The following SESN1 variants were observed in gnomAD, a reference collection of about 807,000 sequenced individuals.
SESN1 encodes sestrin 1.
A neutral mutation model predicts 59.3 loss-of-function variants in SESN1; 30 were observed. That is an observed-to-expected ratio of 0.51 (90% confidence interval 0.38 to 0.69). SESN1 has a LOEUF of 0.69. Ranked by LOEUF, SESN1 falls within the 30% of genes least tolerant of loss-of-function variation. The probability of loss-of-function intolerance (pLI) is 0.00; values close to 1 mark genes in which losing one functional copy is unlikely to be tolerated. For missense variants in SESN1, 566 were observed against 673.0 expected, an observed-to-expected ratio of 0.84 and a Z score of 1.76; for synonymous variants, 197 against 219.9, an observed-to-expected ratio of 0.90 and a Z score of 0.92.
intron 1 of SESN1, among the ~76,000 whole-genome samples, chr6:109,063,468 A>C (rs1780764512): frequency 6.6e-6 from 1 of 152,160 alleles, no homozygotes; most frequent in South Asian, 2.1e-4. Flanking sequence ...ATGATGTGGA[A>C]ATGTTCATGG....
At chr6:108,994,363 A>C (rs1048111768) in intron 6 of SESN1, 99 bp downstream of exon 6, 2 of 948,144 alleles carry the variant, frequency 2.1e-6, no homozygotes, top group African/African-American at 3.3e-5. Flanking sequence ...TCTAAAAGGA[A>C]GGACATATTT....
chr6:108,989,129 A>AG (rs1779286734), intron 8 of SESN1, among the ~76,000 whole-genome samples: 1 of 152,062 alleles, frequency 6.6e-6, no homozygotes, highest in Non-Finnish European at 1.5e-5. Context: ...CAGCCTCCCG[A>AG]GAAGCTAGGA....
intron 5 of SESN1, among the ~76,000 whole-genome samples, chr6:108,995,831 A>T (rs1779493397): frequency 6.7e-6 from 1 of 150,038 alleles, no homozygotes; most frequent in African/African-American, 2.4e-5. Flanking sequence ...GTATACATAC[A>T]AAATTAATGT....
At chr6:109,075,745 C>T (rs570799385) in intron 1 of SESN1, among the ~76,000 whole-genome samples, 1 of 152,284 alleles carries the variant, frequency 6.6e-6, no homozygotes, top group Non-Finnish European at 1.5e-5. Context: ...TAAGCAGATT[C>T]CTAATTCACA....
intron 9 of SESN1, 55 bp downstream of exon 9, chr6:108,988,488 G>T: frequency 1.3e-6 from 2 of 1,486,546 alleles, no homozygotes. Flanking sequence ...TTAGGTGAAG[G>T]AGACTACGAA....
At position 109,033,714 on chromosome 6, in the gene SESN1, T is replaced by C. The variant is rs144681072; in HGVS notation, c.280-31371A>G. The stretch of plus-strand genomic sequence containing the variant: ...GTTCTAAGAGCAAAATTTGATAATA[T>C]GAAAACTGCTAGAAACAGGCAAGTT... On this transcript the variant is annotated intron_variant, in intron 1 of 9. Transcript: ENST00000436639. Among the ~76,000 whole-genome samples, 491 of 152,294 alleles carry C rather than the reference T, an allele frequency of 3.2e-3. 7 individuals carry two copies. The highest frequency in any genetic ancestry group is 2.3e-3 in the Non-Finnish European group (155 of 68,030).
intron 1 of SESN1, among the ~76,000 whole-genome samples, chr6:109,088,752 T>C (rs189412809): frequency 1.2e-4 from 19 of 152,328 alleles, no homozygotes; most frequent in Admixed American, 1.0e-3. Flanking sequence ...AGTTCACCAG[T>C]AGACTATATT....
intron 1 of SESN1, among the ~76,000 whole-genome samples, chr6:109,004,859 T>C (rs566763744): frequency 2.0e-3 from 307 of 152,338 alleles, no homozygotes; most frequent in Non-Finnish European, 3.0e-3. Context: ...TCCAAAAAGA[T>C]TGCTTAAGAT....
intron 1 of SESN1, chr6:109,008,785 TA>T: frequency 1.0e-6 from 1 of 985,456 alleles, no homozygotes. Context: ...AGGGATGGCT[TA>T]ATACGCAAGA....
chr6:109,093,659 A>C (rs1781384998), intron 1 of SESN1, 136 bp downstream of exon 1: 1 of 861,570 alleles, frequency 1.2e-6, no homozygotes. Context: ...TTGTTTACTT[A>C]CAGAACACTC....
At chr6:109,067,458 G>A (rs981703578) in intron 1 of SESN1, among the ~76,000 whole-genome samples, 1 of 152,178 alleles carries the variant, frequency 6.6e-6, no homozygotes, top group African/African-American at 2.4e-5. Context: ...CGCTAAGTAA[G>A]ATAACTGTCC....
Position 109,038,947 on chromosome 6 carries a change from AAGAAGGG to A in SESN1, c.280-36611_280-36605del, listed in dbSNP as rs200971571. Among the ~76,000 whole-genome samples the A allele has an allele frequency of 4.0e-3, 601 of 151,000 alleles. 4 individuals are homozygous for A. The highest frequency in any genetic ancestry group is 0.013 in the African/African-American group (550 of 41,002). Reference sequence around the variant, plus strand: ...GGAGGAGAAGAAAAGAGAAGAAGAAAAGAAGGGAGAAGGGAGAAGAAGGAAAAGAAAA... The same window carrying A: ...GGAGGAGAAGAAAAGAGAAGAAGAAAAGAAGGGAGAAGAAGGAAAAGAAAA... On this transcript the variant is annotated intron_variant, in intron 1 of 9. Coordinates refer to ENST00000436639, the MANE Select transcript of SESN1 (RefSeq NM_014454.3).
chr6:108,992,637 G>C (rs759261610), intron 7 of SESN1, 150 bp downstream of exon 7: 61 of 648,972 alleles, frequency 9.4e-5, no homozygotes, highest in Non-Finnish European at 1.5e-4. Context: ...GGATGAATTA[G>C]AAACAGTCTT....
At chr6:109,036,794 T>C (rs1477696748) in intron 1 of SESN1, among the ~76,000 whole-genome samples, 1 of 152,214 alleles carries the variant, frequency 6.6e-6, no homozygotes, top group Non-Finnish European at 1.5e-5. Context: ...TCCCCATTAG[T>C]AGAGTATCAT....
intron 1 of SESN1, among the ~76,000 whole-genome samples, chr6:109,061,275 G>A (rs917734813): frequency 6.6e-6 from 1 of 151,754 alleles, no homozygotes; most frequent in Non-Finnish European, 1.5e-5. Context: ...ACAGGCATGC[G>A]ATCTAAGAAA....
At chr6:109,061,267 A>G (rs1165656726) in intron 1 of SESN1, among the ~76,000 whole-genome samples, 1 of 152,182 alleles carries the variant, frequency 6.6e-6, no homozygotes, top group African/African-American at 2.4e-5. Context: ...AATAATAGAC[A>G]GGCATGCGAT....
chr6:109,088,071 A>G (rs74421833), intron 1 of SESN1: 12,057 of 152,198 alleles, frequency 0.079, 652 homozygotes, highest in Middle Eastern at 0.2. Context: ...CATGTGACCC[A>G]ATCCCAGTCA....
intron 1 of SESN1, among the ~76,000 whole-genome samples, chr6:109,057,341 C>T (rs999500868): frequency 6.6e-6 from 1 of 152,184 alleles, no homozygotes; most frequent in Admixed American, 6.5e-5. Context: ...CTTTTTACAA[C>T]CTTGATACAA....
At chr6:109,067,289 A>G (rs1780845807) in intron 1 of SESN1, among the ~76,000 whole-genome samples, 1 of 152,048 alleles carries the variant, frequency 6.6e-6, no homozygotes, top group African/African-American at 2.4e-5. Context: ...ACCATGACCA[A>G]CTTCCCTGAG....
Sources: allele counts gnomAD v4.1 joint callset (sites outside exome capture counted in the v4.1 genomes callset), GRCh38; gene constraint gnomAD v4.1.1; transcripts MANE v1.5; gene names NCBI Gene and HGNC (gene_info 2026-07-23, HGNC 2026-07-21).